SH3PXD2A: variants seen among roughly 807,000 people sequenced by gnomAD.
The protein encoded by SH3PXD2A is SH3 and PX domain-containing protein 2A.
SH3PXD2A carries 32 observed loss-of-function variants against 115.2 expected under a neutral mutation model. The ratio of observed to expected loss-of-function variants is 0.28; its 90% CI spans 0.21 to 0.37. The LOEUF (loss-of-function observed/expected upper bound fraction) is 0.37, where lower values mean the gene tolerates loss of function less well. Among genes scored for constraint, SH3PXD2A ranks in the 10% least tolerant of loss-of-function variants. SH3PXD2A has a pLI of 1.00. For synonymous variants in SH3PXD2A, 610 were observed against 629.1 expected, an observed-to-expected ratio of 0.97 and a Z score of 0.45; for missense variants, 1,328 against 1,498.7, an observed-to-expected ratio of 0.89 and a Z score of 1.88.
intron 2 of SH3PXD2A, among the ~76,000 whole-genome samples, chr10:103,795,931 G>GAAGGAAGGAAGA (rs2039082943): frequency 4.2e-5 from 2 of 47,614 alleles, no homozygotes; most frequent in South Asian, 1.6e-3. Flanking sequence ...AGGAAGGAAG[G>GAAGGAAGGAAGA]CAGGAAGGAA....
In SH3PXD2A at chr10:103,599,728, ATAT is replaced by A. The variant is rs1395373564; in HGVS notation, c.*2085_*2087del. The stretch of plus-strand genomic sequence containing the variant: ...ATTATTGTTCAAATAAGTACAAATA[ATAT>A]TAACATGAAGACACTAAACCACTAC... On this transcript the variant is annotated 3_prime_UTR_variant, in exon 15 of 15. Coordinates refer to ENST00000369774, the MANE Select transcript of SH3PXD2A (RefSeq NM_001394015.1). The A allele has an allele frequency of 6.6e-6, 1 of 152,668 alleles. No individual in the cohort carries two copies. Among genetic ancestry groups the A allele is most frequent in the Non-Finnish European group, 1.5e-5 (1 of 68,044 alleles). The allele number at this position is 152,668 out of a possible 1,614,324, so 9.5% of individuals were successfully genotyped here.
At chr10:103,819,803 G>A (rs1200924842) in intron 1 of SH3PXD2A, among the ~76,000 whole-genome samples, 1 of 151,970 alleles carries the variant, frequency 6.6e-6, no homozygotes, top group African/African-American at 2.4e-5. Flanking sequence ...GAGAGAGAGT[G>A]TGGGCAGTGA....
intron 4 of SH3PXD2A, among the ~76,000 whole-genome samples, chr10:103,730,343 C>T (rs1158605139): frequency 3.3e-5 from 5 of 151,490 alleles, no homozygotes; most frequent in African/African-American, 7.3e-5. Context: ...AAAGCCCGGC[C>T]GCGCTGGGTG....
At chr10:103,753,442 G>A (rs2038603039) in intron 3 of SH3PXD2A, among the ~76,000 whole-genome samples, 1 of 145,564 alleles carries the variant, frequency 6.9e-6, no homozygotes, top group African/African-American at 2.6e-5. Flanking sequence ...GTTGCAGTGA[G>A]TCGAGATTGT....
In SH3PXD2A at chr10:103,613,393, C is replaced by CA. The variant is rs370868013; in HGVS notation, c.921-204dup. On this transcript the variant is annotated intron_variant, in intron 11 of 14. Coordinates refer to ENST00000369774, the MANE Select transcript of SH3PXD2A (RefSeq NM_001394015.1). The stretch of plus-strand genomic sequence containing the variant: ...AGAACACCAATTCCCACTGCCCCCC[C>CA]ACCATGCTCCTTTTTCTTTGCCTGA... Among the ~76,000 whole-genome samples, 213 of 152,342 alleles carry CA rather than the reference C, an allele frequency of 1.4e-3. 1 individual carries two copies. The highest frequency in any genetic ancestry group is 4.3e-3 in the African/African-American group (180 of 41,582).
chr10:103,713,243 C>A (rs961155699), intron 5 of SH3PXD2A, among the ~76,000 whole-genome samples: 1 of 152,228 alleles, frequency 6.6e-6, no homozygotes, highest in Non-Finnish European at 1.5e-5. Context: ...TTGTCCCTTT[C>A]ATCTCGGACT....
intron 3 of SH3PXD2A, among the ~76,000 whole-genome samples, chr10:103,751,145 T>C (rs1279504686): frequency 6.6e-6 from 1 of 152,226 alleles, no homozygotes; most frequent in African/African-American, 2.4e-5. Flanking sequence ...GTAGGTAAGA[T>C]TAATATTCCC....
At chr10:103,641,326 G>A (rs951419856) in intron 8 of SH3PXD2A, among the ~76,000 whole-genome samples, 1 of 152,164 alleles carries the variant, frequency 6.6e-6, no homozygotes, top group African/African-American at 2.4e-5. Flanking sequence ...TCCTGGCAGT[G>A]AGGATGAGAA....
intron 1 of SH3PXD2A, among the ~76,000 whole-genome samples, chr10:103,824,776 G>T (rs1434517243): frequency 6.6e-6 from 1 of 151,814 alleles, no homozygotes; most frequent in Non-Finnish European, 1.5e-5. Context: ...CAGGCAGAGA[G>T]GGCAGAATGG....
At position 103,620,566 on chromosome 10, in the gene SH3PXD2A, C is replaced by T. The variant is rs1156994622; in HGVS notation, c.802+1904G>A. ...GCTCCGCTTTTCTCTTGTCTAGCTC[C>T]TCCACAACCTGCAGCCTGCCTCCCC... is the stretch of plus-strand genomic sequence containing the variant. On this transcript the variant is annotated intron_variant, in intron 10 of 14. Transcript: ENST00000369774. The surrounding 1 kb of genome is among the most constrained non-coding windows in gnomAD (Gnocchi z 5.3). Among the ~76,000 whole-genome samples, 1 of 152,208 alleles carries T rather than the reference C, an allele frequency of 6.6e-6. No individual in the cohort carries two copies. Among genetic ancestry groups the T allele is most frequent in the African/African-American group, 2.4e-5 (1 of 41,454 alleles).
chr10:103,634,496 T>C (rs7067646), intron 8 of SH3PXD2A, among the ~76,000 whole-genome samples: 17,216 of 152,228 alleles, frequency 0.11, 3,278 homozygotes, highest in African/African-American at 0.39. Context: ...CTCTAGGCTT[T>C]ACAACCAGGG....
intron 8 of SH3PXD2A, among the ~76,000 whole-genome samples, chr10:103,649,204 C>T (rs1261314298): frequency 6.6e-6 from 1 of 152,186 alleles, no homozygotes; most frequent in African/African-American, 2.4e-5. Context: ...AGCTTGGTAA[C>T]AGCACAGTCG....
chr10:103,613,179 T>C lies in SH3PXD2A; in HGVS notation c.932A>G (p.Lys311Arg). Reference sequence around the variant, plus strand: ...GTAGGATGCTGGCGCCCAGCCCTCTTTGCCCAGGTATCTGTGGGGAGGAGC... The same window carrying C: ...GTAGGATGCTGGCGCCCAGCCCTCTCTGCCCAGGTATCTGTGGGGAGGAGC... ...EGWWYIRYLG[K>R]EGWAPASYLK... Residue 311 changes from lysine (K) to arginine (R), a missense_variant, in exon 12 of 15, where the codon AAA becomes AGA. This residue lies in a region of SH3PXD2A where 509 missense variants were observed against 628.3 expected (regional missense o/e 0.81). Transcript: ENST00000369774. The C allele has an allele frequency of 1.9e-6, 3 of 1,599,648 alleles. No individual in the cohort carries two copies. The highest frequency in any genetic ancestry group is 2.3e-5 in the South Asian group (2 of 88,148).
chr10:103,688,383 C>G (rs1049178174), intron 6 of SH3PXD2A, among the ~76,000 whole-genome samples: 1 of 152,206 alleles, frequency 6.6e-6, no homozygotes, highest in Non-Finnish European at 1.5e-5. Context: ...CAGCCAAGGT[C>G]TTTGCTCTTG....
intron 6 of SH3PXD2A, among the ~76,000 whole-genome samples, chr10:103,671,155 T>C (rs1443833555): frequency 6.6e-6 from 1 of 152,218 alleles, no homozygotes; most frequent in Non-Finnish European, 1.5e-5. Context: ...TGCCTGGGCC[T>C]GGAGAACCCA....
chr10:103,621,702 C>G (rs1310907682), intron 10 of SH3PXD2A, among the ~76,000 whole-genome samples: 1 of 152,224 alleles, frequency 6.6e-6, no homozygotes, highest in Non-Finnish European at 1.5e-5. Context: ...GTTCAGCAGC[C>G]CAGCCCTGGG....
At chr10:103,618,083 C>A (rs751311403) in intron 10 of SH3PXD2A, among the ~76,000 whole-genome samples, 2 of 152,260 alleles carry the variant, frequency 1.3e-5, no homozygotes, top group African/African-American at 2.4e-5. Flanking sequence ...CGAGGCCTAG[C>A]CCCTCTGGAG....
chr10:103,652,578 T>C (rs902225066), intron 8 of SH3PXD2A, among the ~76,000 whole-genome samples: 13 of 152,190 alleles, frequency 8.5e-5, no homozygotes, highest in African/African-American at 3.1e-4. Flanking sequence ...AAGGGGCAAT[T>C]TCCCAACCCA....
chr10:103,622,109 G>A (rs1047153777), intron 10 of SH3PXD2A, among the ~76,000 whole-genome samples: 1 of 152,180 alleles, frequency 6.6e-6, no homozygotes, highest in Admixed American at 6.5e-5. Flanking sequence ...CCCCAGCAGA[G>A]GGCTAGACAC....
Sources: allele counts gnomAD v4.1 joint callset (sites outside exome capture counted in the v4.1 genomes callset), GRCh38; gene constraint gnomAD v4.1.1; regional missense constraint gnomAD v4.1.1; non-coding constraint Gnocchi (gnomAD v3.1); transcripts MANE v1.5; gene names NCBI Gene and HGNC (gene_info 2026-07-23, HGNC 2026-07-21).